The following SLC9C2 variants were observed in gnomAD, a reference collection of about 807,000 sequenced individuals.
The protein encoded by SLC9C2 is sodium/hydrogen exchanger 11.
In SLC9C2, 75 loss-of-function variants were observed where a neutral mutation model predicts 140.2. The ratio of observed to expected loss-of-function variants is 0.53; its 90% CI spans 0.44 to 0.65. The LOEUF (loss-of-function observed/expected upper bound fraction) is 0.65, where lower values mean the gene tolerates loss of function less well. SLC9C2 is among the 30% of genes least tolerant of loss of function. The pLI is 0.00. For synonymous variants in SLC9C2, 375 were observed against 420.9 expected, an observed-to-expected ratio of 0.89 and a Z score of 1.34; for missense variants, 1,074 against 1,331.8, an observed-to-expected ratio of 0.81 and a Z score of 3.01.
intron 7 of SLC9C2, among the ~76,000 whole-genome samples, chr1:173,578,034 C>A (rs979053633): frequency 6.6e-6 from 1 of 152,162 alleles, no homozygotes; most frequent in Non-Finnish European, 1.5e-5. Context: ...GCCCCAGTTA[C>A]AGGCAACAAG....
chr1:173,556,059 A>G (rs1272162410), intron 10 of SLC9C2, among the ~76,000 whole-genome samples: 1 of 152,250 alleles, frequency 6.6e-6, no homozygotes, highest in Non-Finnish European at 1.5e-5. Context: ...CAAACTCTGT[A>G]CATCTACCTC....
At chr1:173,598,437 T>C (rs986830006) in intron 3 of SLC9C2, among the ~76,000 whole-genome samples, 4 of 152,248 alleles carry the variant, frequency 2.6e-5, no homozygotes, top group African/African-American at 9.6e-5. Flanking sequence ...GGTACTTGTT[T>C]CACAAACATT....
Position 173,527,662 on chromosome 1 carries a change from C to T in SLC9C2, c.2314-948G>A, listed in dbSNP as rs550726077. 3.3e-5 allele frequency among the ~76,000 whole-genome samples: 5 copies of T among 152,282 alleles called. No homozygotes were observed. In the East Asian group the frequency reaches 9.7e-4, roughly 29 times the overall value. ...TCACTGGGGAGTTTGCACTTGGCTA[C>T]ACCAACAGTCCTGGAATCACACAAC... On this transcript the variant is annotated intron_variant, in intron 18 of 27. Transcript: ENST00000367714.
At chr1:173,576,839 G>A (rs1028903615) in intron 7 of SLC9C2, 79 bp from the exon 8 acceptor site, 4 of 853,108 alleles carry the variant, frequency 4.7e-6, no homozygotes, top group East Asian at 2.7e-5. Context: ...CTTGAATAAA[G>A]AATTGGTGGG....
At chr1:173,562,502 G>T (rs887308750) in intron 9 of SLC9C2, among the ~76,000 whole-genome samples, 3 of 151,916 alleles carry the variant, frequency 2.0e-5, no homozygotes, top group Non-Finnish European at 4.4e-5. Context: ...ACACGTCAAG[G>T]GTAAGTGATT....
At chr1:173,517,849 A>C (rs967209076) in intron 22 of SLC9C2, 145 bp from the exon 23 acceptor site, 17 of 654,006 alleles carry the variant, frequency 2.6e-5, no homozygotes, top group Non-Finnish European at 3.7e-5. Flanking sequence ...TAGGCTTAAG[A>C]AAAAAAAATC....
At chr1:173,599,752 G>C (rs1666671813) in intron 3 of SLC9C2, among the ~76,000 whole-genome samples, 1 of 151,832 alleles carries the variant, frequency 6.6e-6, no homozygotes, top group Non-Finnish European at 1.5e-5. Flanking sequence ...TACAGGCATG[G>C]GCCACCCCTC....
At chr1:173,553,791 C>A (rs1292537643) in intron 11 of SLC9C2, among the ~76,000 whole-genome samples, 1 of 152,138 alleles carries the variant, frequency 6.6e-6, no homozygotes, top group Non-Finnish European at 1.5e-5. Flanking sequence ...TGGAATTGAA[C>A]CTGCAATATC....
chr1:173,535,266 T>C (rs1226336622), intron 15 of SLC9C2, among the ~76,000 whole-genome samples: 3 of 152,168 alleles, frequency 2.0e-5, no homozygotes, highest in African/African-American at 7.2e-5. Flanking sequence ...TATGTTCTTG[T>C]TTTGGCATGT....
At chr1:173,518,958 C>A (rs1443115052) in intron 22 of SLC9C2, among the ~76,000 whole-genome samples, 2 of 152,060 alleles carry the variant, frequency 1.3e-5, no homozygotes, top group Non-Finnish European at 2.9e-5. Flanking sequence ...CTAGGGACTG[C>A]AGTGAAGGGA....
chr1:173,533,557 T>A (rs1433427697), intron 17 of SLC9C2, 52 bp downstream of exon 17: 1 of 1,378,892 alleles, frequency 7.3e-7, no homozygotes, highest in Non-Finnish European at 1.0e-6. Flanking sequence ...GGATTATAGG[T>A]GTGAGCTACC....
At chr1:173,526,148 C>T (rs1056129970) in intron 19 of SLC9C2, among the ~76,000 whole-genome samples, 4 of 148,184 alleles carry the variant, frequency 2.7e-5, no homozygotes, top group Admixed American at 1.3e-4. Context: ...AAAAGCTGAC[C>T]CAAAAAAACT....
intron 22 of SLC9C2, among the ~76,000 whole-genome samples, chr1:173,520,615 T>C (rs1362947039): frequency 1.3e-5 from 2 of 152,202 alleles, no homozygotes. Flanking sequence ...AATGAATGAA[T>C]GAAAAGTGCT....
intron 9 of SLC9C2, among the ~76,000 whole-genome samples, chr1:173,564,414 A>G (rs979459823): frequency 2.0e-5 from 3 of 152,186 alleles, no homozygotes; most frequent in Non-Finnish European, 4.4e-5. Context: ...ATCAGATGAT[A>G]TCTTACTGTA....
chr1:173,561,115 C>T (rs1664074108), intron 9 of SLC9C2, among the ~76,000 whole-genome samples: 2 of 152,146 alleles, frequency 1.3e-5, no homozygotes, highest in Admixed American at 1.3e-4. Context: ...ATTTCTTAAG[C>T]CTCCCATATG....
Position 173,516,237 on chromosome 1 carries a change from G to A in SLC9C2, c.2907+1300C>T, listed in dbSNP as rs1446913828. 2.6e-5 allele frequency among the ~76,000 whole-genome samples: 4 copies of A among 152,178 alleles called. No homozygotes were observed. In the East Asian group the frequency reaches 7.7e-4, roughly 29 times the overall value. On this transcript the variant is annotated intron_variant, in intron 23 of 27. Transcript: ENST00000367714. The stretch of plus-strand genomic sequence containing the variant: ...ATTCCCCACACCTAGTGAAATGTCA[G>A]GACACTTAGGTGTTGAATAGATAAC...
At chr1:173,503,215 T>C (rs903292540) in intron 27 of SLC9C2, 51 bp downstream of exon 27, 7 of 1,507,392 alleles carry the variant, frequency 4.6e-6, no homozygotes, top group Non-Finnish European at 6.4e-6. Context: ...AGCTGTATAG[T>C]TCAATATTTG....
intron 4 of SLC9C2, among the ~76,000 whole-genome samples, chr1:173,594,765 T>C (rs991671934): frequency 6.6e-6 from 1 of 152,196 alleles, no homozygotes; most frequent in Non-Finnish European, 1.5e-5. Flanking sequence ...TTAAATCAAA[T>C]ATAATTATTA....
Position 173,576,524 on chromosome 1 carries a change from A to G in SLC9C2, c.902+137T>C, listed in dbSNP as rs189160515. The G allele has an allele frequency of 8.3e-4, 465 of 562,616 alleles. 4 individuals are homozygous for G. Among genetic ancestry groups the G allele is most frequent in the African/African-American group, 8.2e-3 (433 of 52,956 alleles). The allele number at this position is 562,616 out of a possible 1,614,324, so 34.9% of individuals were successfully genotyped here. ...TTGGCACCTTAAATTCTTTTCAAAT[A>G]TAACTGATAGCAAAAATAAAATTTT... On this transcript the variant is annotated intron_variant, in intron 8 of 27. Coordinates refer to ENST00000367714, the MANE Select transcript of SLC9C2 (RefSeq NM_178527.4).
Sources: allele counts gnomAD v4.1 joint callset (sites outside exome capture counted in the v4.1 genomes callset), GRCh38; gene constraint gnomAD v4.1.1; transcripts MANE v1.5; gene names NCBI Gene and HGNC (gene_info 2026-07-23, HGNC 2026-07-21).